Variants in NEMF observed in about 807,000 individuals in gnomAD.
The protein encoded by NEMF is ribosome quality control complex subunit NEMF.
A neutral mutation model predicts 162.2 loss-of-function variants in NEMF; 89 were observed. That is an observed-to-expected ratio of 0.55 (90% CI 0.46 to 0.65). The LOEUF (loss-of-function observed/expected upper bound fraction) is 0.65. Among genes scored for constraint, NEMF ranks in the 30% least tolerant of loss-of-function variants. The pLI is 0.00. For synonymous variants in NEMF, 421 were observed against 404.5 expected (o/e 1.04, Z -0.49); for missense variants, 1,133 against 1,261.9 (o/e 0.90, Z 1.55).
chr14:49,796,066 G>A (rs1890680488), intron 25 of NEMF, 122 bp from the exon 26 acceptor site: 4 of 678,352 alleles, frequency 5.9e-6, no homozygotes, highest in Non-Finnish European at 1.0e-5. Context: ...TGCTTCACTT[G>A]ATAATCACCA....
rs755582985 is a variant in NEMF at position 49,834,228 on chromosome 14, T to A, written c.661+135A>T. On this transcript the variant is annotated intron_variant, in intron 7 of 32. Transcript: ENST00000298310. ...ACCTTAGCCTCCCAAAGTGCTGGGA[T>A]TGCAGGCATGAGCCAGTGTGCCTGG... 7 of 631,734 alleles carry A rather than the reference T, an allele frequency of 1.1e-5. No homozygotes were observed. The East Asian group carries it at 1.2e-4, about 11-fold the overall frequency. 39.1% of individuals were successfully genotyped at this position (631,734 alleles called of 1,614,324 possible).
At chr14:49,822,708 G>T (rs1401750338) in intron 16 of NEMF, among the ~76,000 whole-genome samples, 1 of 140,260 alleles carries the variant, frequency 7.1e-6, no homozygotes, top group African/African-American at 2.6e-5. Flanking sequence ...AGGTAATGGT[G>T]GCCCTTTCCT....
At chr14:49,846,413 G>A in intron 3 of NEMF, 148 bp from the exon 4 acceptor site, 1 of 688,006 alleles carries the variant, frequency 1.5e-6, no homozygotes, top group Non-Finnish European at 2.4e-6. Context: ...ATAGATTGCA[G>A]ATGATAATCA....
Position 49,784,934 on chromosome 14 carries a change from G to A in NEMF, c.3144C>T (p.Arg1048=). ...EATAREKDLF[R]SVKDTDLSRN... is the part of the protein sequence containing the mutation. ...TGAAGGAGAACTTTACCTTTACGCTGCGGAATAAGTCTTTTTCTCTTGCTG... is the reference window on the plus strand; with the variant it reads ...TGAAGGAGAACTTTACCTTTACGCTACGGAATAAGTCTTTTTCTCTTGCTG... Residue 1048 remains arginine, a synonymous_variant, in exon 32 of 33, where the codon CGC becomes CGT. Coordinates refer to ENST00000298310, the MANE Select transcript of NEMF (RefSeq NM_004713.6). The A allele has an allele frequency of 6.2e-7, 1 of 1,613,140 alleles. No homozygotes were observed. Among genetic ancestry groups the A allele is most frequent in the Non-Finnish European group, 8.5e-7 (1 of 1,179,340 alleles).
chr14:49,784,653 T>G lies in NEMF; in HGVS notation c.3214A>C (p.Asn1072His), dbSNP rs1426711060. ...KVKVSAPNLL[N>H]VKRK Reference sequence around the variant, plus strand: ...CATTTCAGCTATTTCCTTTTTACGTTCAGAAGATTGGGTGCAGACACTTTC... The same window carrying G: ...CATTTCAGCTATTTCCTTTTTACGTGCAGAAGATTGGGTGCAGACACTTTC... Residue 1072 changes from asparagine to histidine, a missense_variant, in exon 33 of 33, where the codon AAC becomes CAC. Physicochemically the swap from Asn to His is moderately conservative, Grantham distance 68. Coordinates refer to ENST00000298310, the MANE Select transcript of NEMF (RefSeq NM_004713.6). 3 of 1,610,564 alleles carry G rather than the reference T, an allele frequency of 1.9e-6. No homozygotes were observed. In the African/African-American group the frequency reaches 4.0e-5, roughly 22 times the overall value.
rs182853926 is a variant in NEMF, at chr14:49,818,071, A to G, written c.1578-3214T>C. 5.5e-4 allele frequency among the ~76,000 whole-genome samples: 83 copies of G among 151,668 alleles called. 1 individual carries two copies. In the East Asian group the frequency reaches 0.013, roughly 24 times the overall value. ...ATTTTGAAAGCTGGAAAACAAATGG[A>G]CAAGTGATGAGACTTTTTTTTTTTT... On this transcript the variant is annotated intron_variant, in intron 16 of 32. Coordinates refer to ENST00000298310, the MANE Select transcript of NEMF (RefSeq NM_004713.6).
At chr14:49,803,051 C>A (rs962069766) in intron 20 of NEMF, among the ~76,000 whole-genome samples, 186 bp downstream of exon 20, 1 of 152,154 alleles carries the variant, frequency 6.6e-6, no homozygotes, top group Non-Finnish European at 1.5e-5. Context: ...TAAAAATATA[C>A]ATGAAGAAGA....
Position 49,802,436 on chromosome 14 carries a change from T to A in NEMF, c.2095+17A>T. 1.2e-6 allele frequency: 2 copies of A among 1,608,816 alleles called. No individual in the cohort carries two copies. Among genetic ancestry groups the A allele is most frequent in the Non-Finnish European group, 1.7e-6 (2 of 1,178,228 alleles). On this transcript the variant is annotated intron_variant, in intron 22 of 32. Coordinates refer to ENST00000298310, the MANE Select transcript of NEMF (RefSeq NM_004713.6). ...CAAAAAACATCACAAGCTAATTTCT[T>A]AAAATCTATAAACTACCTAATTGTT... is the stretch of plus-strand genomic sequence containing the variant.
chr14:49,831,096 T>C (rs1250283309), intron 11 of NEMF, among the ~76,000 whole-genome samples: 1 of 152,190 alleles, frequency 6.6e-6, no homozygotes, highest in African/African-American at 2.4e-5. Flanking sequence ...GAAATACTCA[T>C]GAAACAAATG....
Position 49,846,183 on chromosome 14 carries a change from C to T in NEMF, c.314G>A (p.Ser105Asn). ...GATTAAATGGTAAGCAGCTTCATCA[C>T]TTCCAAATTGAAAATCTACAATTCT... The part of the protein sequence containing the change: ...VDRIVDFQFG[S>N]DEAAYHLIIE... The change falls in exon 4 of 33, where the codon AGT becomes AAT. Residue 105 changes from serine (S) to asparagine (N), a missense_variant. Around this residue, in one of 3 missense-constraint regions of NEMF, gnomAD observed 582 missense variants for 631.5 expected, o/e 0.92. Coordinates refer to ENST00000298310, the MANE Select transcript of NEMF (RefSeq NM_004713.6). 1.2e-6 allele frequency: 2 copies of T among 1,613,808 alleles called. No homozygotes were observed. Among genetic ancestry groups the T allele is most frequent in the South Asian group, 2.2e-5 (2 of 91,078 alleles).
chr14:49,797,759 T>A (rs1890757947), intron 25 of NEMF, among the ~76,000 whole-genome samples: 1 of 152,252 alleles, frequency 6.6e-6, no homozygotes, highest in African/African-American at 2.4e-5. Flanking sequence ...ACTGAAATCA[T>A]TATTGTACAT....
At position 49,785,098 on chromosome 14, in the gene NEMF, C is replaced by T; in HGVS notation, c.3067G>A (p.Gly1023Arg). Residue 1023 changes from glycine to arginine, a missense_variant, in exon 31 of 33, where the codon GGA (glycine) becomes AGA (arginine). Gly to Arg is a moderately radical substitution (Grantham distance 125). This residue lies in a region of NEMF where 532 missense variants were observed against 578.6 expected (regional missense o/e 0.92). Transcript: ENST00000298310. The stretch of plus-strand genomic sequence containing the variant: ...AAAAAACAAATTTAAATACCTTTTC[C>T]CTTTTTCTGCACTCCAGGAGTAAGT... ...VKLTPGVQKK[G>R]KAAKTALNSF... The T allele has an allele frequency of 6.2e-7, 1 of 1,605,806 alleles. No homozygotes were observed. The highest frequency in any genetic ancestry group is 1.7e-5 in the Admixed American group (1 of 59,908).
chr14:49,822,477 C>T (rs1221497636), intron 16 of NEMF, among the ~76,000 whole-genome samples: 2 of 150,204 alleles, frequency 1.3e-5, no homozygotes, highest in Non-Finnish European at 3.0e-5. Context: ...GCCAAGATCG[C>T]ACCACTGCAC....
At chr14:49,799,583 G>C (rs1404496573) in intron 24 of NEMF, 53 bp downstream of exon 24, 5 of 1,594,608 alleles carry the variant, frequency 3.1e-6, no homozygotes, top group African/African-American at 2.7e-5. Context: ...TTGAAAAGTA[G>C]AAAATTATTC....
In NEMF at chr14:49,832,188, C is replaced by T; in HGVS notation, c.806+19G>A. 1 of 1,601,818 alleles carries T rather than the reference C, an allele frequency of 6.2e-7. No individual in the cohort carries two copies. Among genetic ancestry groups the T allele is most frequent in the Non-Finnish European group, 8.5e-7 (1 of 1,172,596 alleles). ...TTAACAAACATCCAAAGCAAATTGACCCATGCCTATATGCTTACGTCAGTA... is the reference window on the plus strand; with the variant it reads ...TTAACAAACATCCAAAGCAAATTGATCCATGCCTATATGCTTACGTCAGTA... On this transcript the variant is annotated intron_variant, in intron 9 of 32. Transcript: ENST00000298310.
At chr14:49,818,579 A>G (rs887417751) in intron 16 of NEMF, among the ~76,000 whole-genome samples, 2 of 152,174 alleles carry the variant, frequency 1.3e-5, no homozygotes, top group Non-Finnish European at 2.9e-5. Flanking sequence ...AGTTCCATAT[A>G]TGTTCTTTCC....
chr14:49,782,881 G>A lies in NEMF; in HGVS notation c.*1755C>T, dbSNP rs2139806989. 1 of 1,613,804 alleles carries A rather than the reference G, an allele frequency of 6.2e-7. No homozygotes were observed. On this transcript the variant is annotated 3_prime_UTR_variant, in exon 33 of 33. Transcript: ENST00000298310. The stretch of plus-strand genomic sequence containing the variant: ...TTAAAGAAATGTTAGCCAACTCATG[G>A]AACTGCCTTCCAAAACACTTACTTC...
intron 11 of NEMF, among the ~76,000 whole-genome samples, chr14:49,829,750 TAA>T (rs1189031145): frequency 6.6e-6 from 1 of 152,182 alleles, no homozygotes; most frequent in Non-Finnish European, 1.5e-5. Flanking sequence ...GGCACAAAAG[TAA>T]AGTTTGGGAG....
intron 18 of NEMF, among the ~76,000 whole-genome samples, chr14:49,810,291 C>A (rs964880337): frequency 6.6e-6 from 1 of 151,420 alleles, no homozygotes; most frequent in Non-Finnish European, 1.5e-5. Context: ...TGGTGTGAAC[C>A]CAGGAGGCAG....
Sources: allele counts gnomAD v4.1 joint callset (sites outside exome capture counted in the v4.1 genomes callset), GRCh38; gene constraint gnomAD v4.1.1; regional missense constraint gnomAD v4.1.1; transcripts MANE v1.5; gene names NCBI Gene and HGNC (gene_info 2026-07-23, HGNC 2026-07-21).